The following ANKRD36B variants were observed in gnomAD, a reference collection of about 807,000 sequenced individuals.
The protein encoded by ANKRD36B is ankyrin repeat domain-containing protein 36B.
In ANKRD36B, 37 loss-of-function variants were observed where a neutral mutation model predicts 135.7. That is an observed-to-expected ratio of 0.27 (90% CI 0.21 to 0.36). The LOEUF is 0.36. Among genes scored for constraint, ANKRD36B ranks in the 10% least tolerant of loss-of-function variants. ANKRD36B has a pLI of 1.00. For missense variants in ANKRD36B, 549 were observed against 1,037.1 expected (o/e 0.53, Z 6.46); for synonymous variants, 179 against 348.1 (o/e 0.51, Z 5.41).
At chr2:97,543,582 G>A (rs2079264979) in intron 26 of ANKRD36B, among the ~76,000 whole-genome samples, 1 of 94,840 alleles carries the variant, frequency 1.1e-5, no homozygotes, top group Non-Finnish European at 2.8e-5. Context: ...CAATTTCAAT[G>A]TGGGGAAGTC....
At chr2:97,567,396 G>A (rs1458898092) in intron 6 of ANKRD36B, among the ~76,000 whole-genome samples, 1 of 151,030 alleles carries the variant, frequency 6.6e-6, no homozygotes, top group Non-Finnish European at 1.5e-5. Context: ...TGAGGGGTGG[G>A]GCTGGAAGTC....
intron 4 of ANKRD36B, among the ~76,000 whole-genome samples, chr2:97,580,055 AAAC>A (rs1450267147): frequency 6.6e-6 from 1 of 152,250 alleles, no homozygotes; most frequent in African/African-American, 2.4e-5. Context: ...TATCAATTAA[AAAC>A]AACATCAAAA....
At chr2:97,547,965 C>T (rs901620156) in intron 20 of ANKRD36B, among the ~76,000 whole-genome samples, 7 of 151,630 alleles carry the variant, frequency 4.6e-5, no homozygotes, top group African/African-American at 1.2e-4. Flanking sequence ...TTGTTATATG[C>T]CAAAAACTAA....
intron 8 of ANKRD36B, among the ~76,000 whole-genome samples, chr2:97,560,006 G>A (rs1433911065): frequency 2.0e-5 from 3 of 151,888 alleles, no homozygotes; most frequent in Non-Finnish European, 4.4e-5. Flanking sequence ...ACAAAGAGGA[G>A]TAATGAGTCA....
rs1322514662 is a variant in ANKRD36B, at chr2:97,525,957, G to C, written c.2266-2490C>G. Reference sequence around the variant, plus strand: ...CAAGGAGGCCTTCCTGCCTCTGTAGGCTCCACCTCTGGGGGCAGGGCACAG... The same window carrying C: ...CAAGGAGGCCTTCCTGCCTCTGTAGCCTCCACCTCTGGGGGCAGGGCACAG... On this transcript the variant is annotated intron_variant, in intron 35 of 43. Transcript: ENST00000359901. Among the ~76,000 whole-genome samples, 2 of 98,220 alleles carry C rather than the reference G, an allele frequency of 2.0e-5. 1 individual carries two copies. The highest frequency in any genetic ancestry group is 6.1e-5 in the African/African-American group (2 of 32,860). The allele number at this position is 98,220 out of a possible 152,430, so 64.4% of individuals were successfully genotyped here.
chr2:97,551,280 CA>C lies in ANKRD36B; in HGVS notation c.1375+8del. 6.4e-7 allele frequency: 1 copy of C among 1,550,464 alleles called. No individual in the cohort carries two copies. On this transcript the variant is annotated splice_region_variant and intron_variant, in intron 18 of 43. Transcript: ENST00000359901. ...TGAACATGACATTAAATGTGTTTCG[CA>C]AAATTACCTGTCCTAGATATTTCTC...
intron 6 of ANKRD36B, among the ~76,000 whole-genome samples, chr2:97,568,735 C>A (rs2081620824): frequency 6.6e-6 from 1 of 151,978 alleles, no homozygotes; most frequent in South Asian, 2.1e-4. Context: ...ATAAAGGAAC[C>A]ATAAACTCAC....
chr2:97,493,995 A>G (rs1418616057), intron 43 of ANKRD36B, among the ~76,000 whole-genome samples: 10 of 105,896 alleles, frequency 9.4e-5, no homozygotes, highest in African/African-American at 2.1e-4. Context: ...TCATATTCCT[A>G]TTATCATTTT....
intron 12 of ANKRD36B, among the ~76,000 whole-genome samples, chr2:97,555,882 C>A (rs1219826956): frequency 6.6e-6 from 1 of 151,826 alleles, no homozygotes. Flanking sequence ...GTTTAGCCTT[C>A]AGAAATTTTC....
chr2:97,551,577 C>T (rs2080073629), intron 16 of ANKRD36B, 97 bp from the exon 17 acceptor site: 1 of 1,571,562 alleles, frequency 6.4e-7, no homozygotes, highest in Non-Finnish European at 8.7e-7. Context: ...GTCCTCCTGC[C>T]TGTATTAGCG....
rs867358667 is a variant in ANKRD36B at position 97,541,424 on chromosome 2, C to T, written c.1885+487G>A. Among the ~76,000 whole-genome samples, 23 of 96,188 alleles carry T rather than the reference C, an allele frequency of 2.4e-4. 6 individuals carry two copies. Among genetic ancestry groups the T allele is most frequent in the African/African-American group, 6.5e-4 (21 of 32,210 alleles). 63.1% of individuals were successfully genotyped at this position (96,188 alleles called of 152,430 possible). A position where few individuals can be genotyped will look rare whatever the true frequency, so the allele number is the denominator to read the frequency against. ...CCCAAAATTACATAAATAACTTCTT[C>T]TTTTCTCTCCTTCCTGCCTCACAAT... On this transcript the variant is annotated intron_variant, in intron 28 of 43. Transcript: ENST00000359901.
chr2:97,576,947 A>G (rs958568684), intron 5 of ANKRD36B, among the ~76,000 whole-genome samples: 5 of 152,122 alleles, frequency 3.3e-5, no homozygotes, highest in Admixed American at 6.6e-5. Context: ...GTATTTTTTC[A>G]TAGGTTCTAA....
rs1206856951 is a variant in ANKRD36B, at chr2:97,525,609, A to G, written c.2266-2142T>C. Among the ~76,000 whole-genome samples the G allele has an allele frequency of 3.6e-4, 35 of 96,642 alleles. 9 individuals carry two copies. Among genetic ancestry groups the G allele is most frequent in the African/African-American group, 1.1e-3 (35 of 32,196 alleles). 63.4% of individuals were successfully genotyped at this position (96,642 alleles called of 152,430 possible). On this transcript the variant is annotated intron_variant, in intron 35 of 43. Coordinates refer to ENST00000359901, the MANE Select transcript of ANKRD36B (RefSeq NM_001393939.1). ...CTGAGGGAGGGTGAGGCATTGCCTC[A>G]CTCAGGAAGTGGAAGGGGTCAGGGA...
At chr2:97,588,336 G>A (rs1165634992) in intron 1 of ANKRD36B, among the ~76,000 whole-genome samples, 7 of 151,620 alleles carry the variant, frequency 4.6e-5, no homozygotes, top group Admixed American at 3.3e-4. Context: ...AGGCAATTGC[G>A]GTTTTCGCCA....
rs1459514179 is a variant in ANKRD36B, at chr2:97,531,798, T to A, written c.2265+513A>T. ...ATTTTGCAAGGTATAATTCTCTTGA[T>A]AGCCAGTTGGGTTGATTTTATGACC... On this transcript the variant is annotated intron_variant, in intron 35 of 43. Coordinates refer to ENST00000359901, the MANE Select transcript of ANKRD36B (RefSeq NM_001393939.1). 2.1e-5 allele frequency among the ~76,000 whole-genome samples: 2 copies of A among 96,620 alleles called. 1 individual carries two copies. The highest frequency in any genetic ancestry group is 5.5e-5 in the Non-Finnish European group (2 of 36,356). 63.4% of individuals were successfully genotyped at this position (96,620 alleles called of 152,430 possible).
rs375221686 is a variant in ANKRD36B, at chr2:97,551,213, C to T, written c.1375+76G>A. 4,967 of 1,515,002 alleles carry T rather than the reference C, an allele frequency of 3.3e-3. 192 individuals carry two copies. The South Asian group carries it at 0.056, about 17-fold the overall frequency. 93.8% of individuals were successfully genotyped at this position (1,515,002 alleles called of 1,614,324 possible). A position where few individuals can be genotyped will look rare whatever the true frequency, so the allele number is the denominator to read the frequency against. On this transcript the variant is annotated intron_variant, in intron 18 of 43. Transcript: ENST00000359901. The stretch of plus-strand genomic sequence containing the variant: ...GTCAGAATGTGCAGCTTCGACCAGC[C>T]CCCCACTGATTTATTCGGGGAAGAG...
At position 97,537,145 on chromosome 2, in the gene ANKRD36B, T is replaced by A. The variant is rs190380247; in HGVS notation, c.2090-649A>T. Reference sequence around the variant, plus strand: ...GCCTTCAGAAAGTTTCTTCATCCACTAATGGCAAGAAGGTCTAATATATAA... The same window carrying A: ...GCCTTCAGAAAGTTTCTTCATCCACAAATGGCAAGAAGGTCTAATATATAA... On this transcript the variant is annotated intron_variant, in intron 32 of 43. Coordinates refer to ENST00000359901, the MANE Select transcript of ANKRD36B (RefSeq NM_001393939.1). 2.1e-5 allele frequency among the ~76,000 whole-genome samples: 2 copies of A among 96,422 alleles called. 1 individual carries two copies. Among genetic ancestry groups the A allele is most frequent in the East Asian group, 4.6e-4 (2 of 4,342 alleles). The allele number at this position is 96,422 out of a possible 152,430, so 63.3% of individuals were successfully genotyped here.
Position 97,526,550 on chromosome 2 carries a change from C to T in ANKRD36B, c.2266-3083G>A, listed in dbSNP as rs1352136681. On this transcript the variant is annotated intron_variant, in intron 35 of 43. Coordinates refer to ENST00000359901, the MANE Select transcript of ANKRD36B (RefSeq NM_001393939.1). ...TCACCAGCAATGGAACAAAGCTGGA[C>T]GGAGAATGACTTTGACAAGTTGAGA... Among the ~76,000 whole-genome samples the T allele has an allele frequency of 1.2e-4, 12 of 97,476 alleles. 4 individuals carry two copies. Among genetic ancestry groups the T allele is most frequent in the African/African-American group, 3.4e-4 (11 of 32,446 alleles). 63.9% of individuals were successfully genotyped at this position (97,476 alleles called of 152,430 possible). A position where few individuals can be genotyped will look rare whatever the true frequency, so the allele number is the denominator to read the frequency against.
At chr2:97,547,497 C>G (rs1170024327) in intron 22 of ANKRD36B, 39 bp downstream of exon 22, 2 of 1,524,412 alleles carry the variant, frequency 1.3e-6, no homozygotes, top group African/African-American at 1.4e-5. Flanking sequence ...TCTTATCTAC[C>G]CGGACTGAAC....
Sources: gnomAD v4.1 joint callset for allele counts (sites outside exome capture counted in the v4.1 genomes callset) on GRCh38, gnomAD v4.1.1 for gene constraint, MANE v1.5 for transcripts, NCBI Gene and HGNC (gene_info 2026-07-23, HGNC 2026-07-21) for gene names.